The following SNRPG variants were observed in gnomAD, a reference collection of about 807,000 sequenced individuals.
SNRPG encodes the protein small nuclear ribonucleoprotein polypeptide G, also known as small nuclear ribonucleoprotein G.
A neutral mutation model predicts 13.9 loss-of-function variants in SNRPG; 3 were observed. The observed-to-expected ratio is 0.22, with a 90% CI of 0.10 to 0.56. The LOEUF (loss-of-function observed/expected upper bound fraction) is 0.56, where lower values mean the gene tolerates loss of function less well. Among genes scored for constraint, SNRPG ranks in the 20% least tolerant of loss-of-function variants. SNRPG has a pLI of 0.93. For synonymous variants in SNRPG, 29 were observed against 29.3 expected, an observed-to-expected ratio of 0.99 and a Z score of 0.03; for missense variants, 34 against 96.1, an observed-to-expected ratio of 0.35 and a Z score of 2.70.
At chr2:70,290,903 C>T (rs1321232482) in intron 1 of SNRPG, among the ~76,000 whole-genome samples, 2 of 139,252 alleles carry the variant, frequency 1.4e-5, no homozygotes, top group African/African-American at 5.4e-5. Context: ...CCCAGCTACT[C>T]GGGAGGCTGA....
At chr2:70,291,049 ACACAC>A (rs1212030836) in intron 1 of SNRPG, among the ~76,000 whole-genome samples, 2 of 149,502 alleles carry the variant, frequency 1.3e-5, no homozygotes, top group African/African-American at 4.9e-5. Context: ...ACACACACAC[ACACAC>A]ACACATATAT....
chr2:70,282,803 G>A (rs1424063277), intron 3 of SNRPG, among the ~76,000 whole-genome samples: 1 of 152,128 alleles, frequency 6.6e-6, no homozygotes, highest in Non-Finnish European at 1.5e-5. Context: ...ATGAAGATAA[G>A]AATATTTATC....
chr2:70,281,819 C>T lies in SNRPG; in HGVS notation c.181-135G>A, dbSNP rs1470954265. The T allele has an allele frequency of 1.3e-5, 7 of 557,616 alleles. No individual in the cohort carries two copies. In the Middle Eastern group the frequency reaches 8.3e-4, roughly 66 times the overall value. The allele number at this position is 557,616 out of a possible 1,614,324, so 34.5% of individuals were successfully genotyped here. A position where few individuals can be genotyped will look rare whatever the true frequency, so the allele number is the denominator to read the frequency against. Reference sequence around the variant, plus strand: ...GGTTTGCAAAGCTTTGTTCAAGCCACAGGGACACCAAACAACTCTAAGCCC... The same window carrying T: ...GGTTTGCAAAGCTTTGTTCAAGCCATAGGGACACCAAACAACTCTAAGCCC... On this transcript the variant is annotated intron_variant, in intron 3 of 3. Coordinates refer to ENST00000272348, the MANE Select transcript of SNRPG (RefSeq NM_003096.4).
At chr2:70,293,118 G>A (rs1697145061) in intron 1 of SNRPG, 2 of 702,098 alleles carry the variant, frequency 2.8e-6, no homozygotes, top group South Asian at 1.5e-5. Flanking sequence ...CAAGAAAAAG[G>A]AATGAGGTTT....
In SNRPG at chr2:70,281,389, A is replaced by ATTCT. The variant is rs1216042059; in HGVS notation, c.*241_*244dup. The ATTCT allele has an allele frequency of 9.4e-6, 3 of 320,264 alleles. No homozygotes were observed. The highest frequency in any genetic ancestry group is 5.1e-5 in the Admixed American group (1 of 19,742). 19.8% of individuals were successfully genotyped at this position (320,264 alleles called of 1,614,324 possible). ...CTTGCCATGTTTCACATTTAATAAG[A>ATTCT]TTCTTTCACTTTAATGCATAAAACC... On this transcript the variant is annotated 3_prime_UTR_variant, in exon 4 of 4. Transcript: ENST00000272348.
chr2:70,283,773 G>C (rs1209839065), intron 3 of SNRPG, among the ~76,000 whole-genome samples: 2 of 152,178 alleles, frequency 1.3e-5, no homozygotes, highest in African/African-American at 4.8e-5. Context: ...ATTTAAAAAA[G>C]AATGGCTGGG....
At chr2:70,288,912 C>G (rs1189862211) in intron 2 of SNRPG, among the ~76,000 whole-genome samples, 4 of 151,982 alleles carry the variant, frequency 2.6e-5, no homozygotes, top group Non-Finnish European at 5.9e-5. Flanking sequence ...ATTAAGTAAT[C>G]TGCTTAACTA....
intron 3 of SNRPG, among the ~76,000 whole-genome samples, chr2:70,282,662 T>C (rs539820164): frequency 1.3e-5 from 2 of 152,152 alleles, no homozygotes; most frequent in African/African-American, 4.8e-5. Context: ...ATGACAACCA[T>C]AAGTGTCCCT....
At chr2:70,292,369 CAG>C (rs2104926454) in intron 1 of SNRPG, among the ~76,000 whole-genome samples, 1 of 151,458 alleles carries the variant, frequency 6.6e-6, no homozygotes, top group South Asian at 2.1e-4. Flanking sequence ...TTTTTTGAAA[CAG>C]AGTTTCGGTC....
chr2:70,292,747 GA>G (rs1697132685), intron 1 of SNRPG: 1 of 182,578 alleles, frequency 5.5e-6, no homozygotes, highest in Admixed American at 5.7e-5. Flanking sequence ...TGCTACGCCA[GA>G]AAAAACTGAT....
intron 3 of SNRPG, among the ~76,000 whole-genome samples, chr2:70,282,412 C>G (rs1696814938): frequency 6.6e-6 from 1 of 152,050 alleles, no homozygotes; most frequent in South Asian, 2.1e-4. Flanking sequence ...TTACCTGGGT[C>G]TTGGAAATTG....
chr2:70,287,702 A>C (rs1159212013), intron 3 of SNRPG: 2 of 399,368 alleles, frequency 5.0e-6, no homozygotes, highest in Non-Finnish European at 9.0e-6. Flanking sequence ...GTTCTGCCCC[A>C]TACCTACTGA....
At chr2:70,293,502 C>G in intron 1 of SNRPG, 116 bp downstream of exon 1, 2 of 955,652 alleles carry the variant, frequency 2.1e-6, no homozygotes, top group Admixed American at 1.7e-5. Flanking sequence ...CGACCTCGGA[C>G]CGGAAGAAGA....
Position 70,293,396 on chromosome 2 carries a change from G to A in SNRPG, c.32+222C>T, listed in dbSNP as rs1697155753. The A allele has an allele frequency of 5.5e-5, 35 of 632,514 alleles. No individual in the cohort carries two copies. The South Asian group carries it at 6.3e-4, about 11-fold the overall frequency. The allele number at this position is 632,514 out of a possible 1,614,324, so 39.2% of individuals were successfully genotyped here. A position where few individuals can be genotyped will look rare whatever the true frequency, so the allele number is the denominator to read the frequency against. ...GCGGGACCTGGAGACTAGTCGGCCG[G>A]AAGGAGGTGCCGTGGCTGCCGGCTG... On this transcript the variant is annotated intron_variant, in intron 1 of 3. Transcript: ENST00000272348.
intron 3 of SNRPG, among the ~76,000 whole-genome samples, chr2:70,283,107 A>AAAAAAAAAAC (rs1696844782): frequency 2.1e-5 from 3 of 145,468 alleles, no homozygotes; most frequent in African/African-American, 7.9e-5. Flanking sequence ...AAAAAAAAAA[A>AAAAAAAAAAC]AAAAAAAAAA....
chr2:70,290,090 C>G (rs1019861515), intron 1 of SNRPG, among the ~76,000 whole-genome samples: 2 of 151,426 alleles, frequency 1.3e-5, no homozygotes, highest in Admixed American at 1.3e-4. Context: ...ATATACTCCC[C>G]CTCAGCCTCC....
chr2:70,293,722 C>T lies in SNRPG; in HGVS notation c.-73G>A. The T allele has an allele frequency of 2.1e-6, 3 of 1,445,942 alleles. No homozygotes were observed. Among genetic ancestry groups the T allele is most frequent in the Non-Finnish European group, 2.9e-6 (3 of 1,026,844 alleles). The allele number at this position is 1,445,942 out of a possible 1,614,324, so 89.6% of individuals were successfully genotyped here. ...CTTTCCTCACGCTCCCGCTGTAGGC[C>T]CGGCGTCTTGCGTCTGGCGTCATCG... On this transcript the variant is annotated 5_prime_UTR_variant, in exon 1 of 4. Transcript: ENST00000272348.
chr2:70,293,215 A>C (rs1440884493), intron 1 of SNRPG: 8 of 702,402 alleles, frequency 1.1e-5, no homozygotes, highest in African/African-American at 1.0e-4. Context: ...TTTTAAAAAC[A>C]CTTCCTTCCC....
intron 3 of SNRPG, chr2:70,287,253 A>G (rs1160079145): frequency 1.4e-6 from 1 of 695,758 alleles, no homozygotes; most frequent in East Asian, 2.7e-5. Context: ...GCTAATAATT[A>G]GCAACTCTTA....
Sources: allele counts gnomAD v4.1 joint callset (sites outside exome capture counted in the v4.1 genomes callset), GRCh38; gene constraint gnomAD v4.1.1; transcripts MANE v1.5; gene names NCBI Gene and HGNC (gene_info 2026-07-23, HGNC 2026-07-21).